The following PTPN4 variants were observed in gnomAD, a reference collection of about 807,000 sequenced individuals.
PTPN4 encodes protein tyrosine phosphatase non-receptor type 4, also known as tyrosine-protein phosphatase non-receptor type 4.
A neutral mutation model predicts 135.5 loss-of-function variants in PTPN4; 49 were observed. The observed-to-expected ratio is 0.36, with a 90% confidence interval of 0.29 to 0.46. The LOEUF is 0.46. PTPN4 is among the 20% of genes least tolerant of loss of function. The pLI is 1.00. For missense variants in PTPN4, 860 were observed against 1,101.0 expected (o/e 0.78, Z 3.10); for synonymous variants, 333 against 369.9 (o/e 0.90, Z 1.14).
At chr2:119,976,129 G>A (rs1476858332) in intron 26 of PTPN4, among the ~76,000 whole-genome samples, 2 of 151,440 alleles carry the variant, frequency 1.3e-5, no homozygotes, top group Non-Finnish European at 2.9e-5. Context: ...CTGAGTAGCT[G>A]GGACTACAGG....
intron 2 of PTPN4, among the ~76,000 whole-genome samples, chr2:119,824,393 T>C (rs1163256494): frequency 6.6e-6 from 1 of 152,222 alleles, no homozygotes; most frequent in Non-Finnish European, 1.5e-5. Context: ...GTTGCTCAGG[T>C]TGGTCTCCAA....
At chr2:119,939,031 G>A (rs1679025919) in intron 15 of PTPN4, among the ~76,000 whole-genome samples, 1 of 152,162 alleles carries the variant, frequency 6.6e-6, no homozygotes, top group Non-Finnish European at 1.5e-5. Flanking sequence ...ATCTCCGTAA[G>A]CCTGTTTCCT....
intron 2 of PTPN4, among the ~76,000 whole-genome samples, chr2:119,822,362 C>CA (rs1040635711): frequency 7.7e-6 from 1 of 130,434 alleles, no homozygotes; most frequent in Non-Finnish European, 1.7e-5. Flanking sequence ...CCCTCCCCCC[C>CA]CCTTTTTTTT....
At chr2:119,794,428 C>G (rs772874413) in intron 1 of PTPN4, among the ~76,000 whole-genome samples, 3 of 152,216 alleles carry the variant, frequency 2.0e-5, no homozygotes, top group Non-Finnish European at 2.9e-5. Flanking sequence ...GTGTGTGGAG[C>G]TGGGGTCCAG....
chr2:119,848,021 T>G (rs906794248), intron 2 of PTPN4, among the ~76,000 whole-genome samples: 4 of 152,126 alleles, frequency 2.6e-5, no homozygotes, highest in Non-Finnish European at 4.4e-5. Flanking sequence ...CTTTGTTTTT[T>G]GGGGGCATTT....
intron 26 of PTPN4, among the ~76,000 whole-genome samples, chr2:119,969,889 A>G (rs2105064713): frequency 6.6e-6 from 1 of 151,932 alleles, no homozygotes; most frequent in South Asian, 2.1e-4. Flanking sequence ...AATTGGCAGT[A>G]TTTAAATTTC....
intron 21 of PTPN4, 27 bp downstream of exon 21, chr2:119,956,961 T>C: frequency 1.2e-6 from 2 of 1,603,134 alleles, no homozygotes; most frequent in Non-Finnish European, 1.7e-6. Context: ...CTCTGTTAAA[T>C]TTAATCTTTT....
chr2:119,930,956 TAAATC>T (rs916238521), intron 13 of PTPN4, among the ~76,000 whole-genome samples: 1 of 151,576 alleles, frequency 6.6e-6, no homozygotes, highest in Non-Finnish European at 1.5e-5. Flanking sequence ...AATCTGAAAA[TAAATC>T]CAAAGTCACA....
chr2:119,778,000 C>T (rs999285525), intron 1 of PTPN4, among the ~76,000 whole-genome samples: 20 of 152,086 alleles, frequency 1.3e-4, no homozygotes, highest in Non-Finnish European at 2.2e-4. Flanking sequence ...CTATAGAGAC[C>T]GGCATTCTTT....
intron 2 of PTPN4, among the ~76,000 whole-genome samples, chr2:119,832,501 A>C (rs1677233963): frequency 6.6e-6 from 1 of 152,088 alleles, no homozygotes; most frequent in African/African-American, 2.4e-5. Flanking sequence ...CCTATTTTGA[A>C]AATATAAGGA....
intron 10 of PTPN4, among the ~76,000 whole-genome samples, chr2:119,914,248 ATTTTTTTTTTTTT>A (rs55911315): frequency 1.2e-4 from 12 of 97,424 alleles, no homozygotes; most frequent in Non-Finnish European, 1.7e-4. Context: ...TAGTTACTCA[ATTTTTTTTTTTTT>A]TTTTTTTTTT....
chr2:119,793,692 C>T (rs1691194599), intron 1 of PTPN4, among the ~76,000 whole-genome samples: 1 of 152,048 alleles, frequency 6.6e-6, no homozygotes, highest in South Asian at 2.1e-4. Flanking sequence ...AATAAATGTC[C>T]ATGAAATCTT....
intron 2 of PTPN4, among the ~76,000 whole-genome samples, chr2:119,860,526 T>G (rs1005289057): frequency 5.9e-5 from 9 of 152,174 alleles, no homozygotes; most frequent in African/African-American, 1.2e-4. Flanking sequence ...CCAAATTAGC[T>G]TGCGCTGGAG....
At chr2:119,849,101 A>G (rs1046979733) in intron 2 of PTPN4, among the ~76,000 whole-genome samples, 5 of 152,164 alleles carry the variant, frequency 3.3e-5, no homozygotes, top group African/African-American at 7.2e-5. Context: ...TATTGTCATC[A>G]TACCTTTCAT....
intron 24 of PTPN4, among the ~76,000 whole-genome samples, chr2:119,964,458 A>G (rs1028641846): frequency 6.6e-6 from 1 of 152,140 alleles, no homozygotes; most frequent in Non-Finnish European, 1.5e-5. Flanking sequence ...TTTAATATAC[A>G]TTTATCTTGA....
intron 26 of PTPN4, among the ~76,000 whole-genome samples, chr2:119,969,641 C>G (rs2666180): frequency 7.1e-6 from 1 of 140,964 alleles, no homozygotes; most frequent in Non-Finnish European, 1.5e-5. Flanking sequence ...TCACTGCAAG[C>G]TCCGCCTCCC....
chr2:119,956,605 T>C (rs1481308642), intron 20 of PTPN4, among the ~76,000 whole-genome samples: 1 of 152,242 alleles, frequency 6.6e-6, no homozygotes, highest in Non-Finnish European at 1.5e-5. Flanking sequence ...GTAAGCAGAA[T>C]TGGTTTCACT....
chr2:119,848,685 C>T (rs1413882784), intron 2 of PTPN4, among the ~76,000 whole-genome samples: 1 of 152,196 alleles, frequency 6.6e-6, no homozygotes. Flanking sequence ...ACTGCCACCT[C>T]TGCCTCCTGG....
intron 3 of PTPN4, among the ~76,000 whole-genome samples, chr2:119,873,194 GT>G (rs951775157): frequency 3.3e-5 from 5 of 150,116 alleles, no homozygotes; most frequent in Non-Finnish European, 7.4e-5. Context: ...TGTTGTTGTT[GT>G]TTTTTTTGTA....
Sources: gnomAD v4.1 joint callset for allele counts (sites outside exome capture counted in the v4.1 genomes callset) on GRCh38, gnomAD v4.1.1 for gene constraint, MANE v1.5 for transcripts, NCBI Gene and HGNC (gene_info 2026-07-23, HGNC 2026-07-21) for gene names.